The following NAV2 variants were observed in gnomAD, a reference collection of about 807,000 sequenced individuals.
NAV2 encodes the protein neuron navigator 2.
NAV2 carries 54 observed loss-of-function variants against 223.2 expected under a neutral mutation model. The observed-to-expected ratio is 0.24, with a 90% CI of 0.19 to 0.30. NAV2 has a LOEUF of 0.30. Among genes scored for constraint, NAV2 ranks in the 10% least tolerant of loss-of-function variants. The pLI is 1.00. For synonymous variants in NAV2, 1,279 were observed against 1,239.3 expected (o/e 1.03, Z -0.67); for missense variants, 2,806 against 3,147.5 (o/e 0.89, Z 2.60).
At chr11:19,487,351 A>G (rs1340614995) in intron 1 of NAV2, among the ~76,000 whole-genome samples, 1 of 152,212 alleles carries the variant, frequency 6.6e-6, no homozygotes, top group Non-Finnish European at 1.5e-5. Context: ...ATACTCTGTA[A>G]TAAGCAACAT....
chr11:19,598,978 A>T (rs1176616338), intron 1 of NAV2, among the ~76,000 whole-genome samples: 1 of 152,172 alleles, frequency 6.6e-6, no homozygotes. Context: ...GTCTGGGTCC[A>T]GTCAAATGCC....
intron 1 of NAV2, among the ~76,000 whole-genome samples, chr11:19,768,458 C>A (rs1463304724): frequency 6.6e-6 from 1 of 152,002 alleles, no homozygotes; most frequent in Non-Finnish European, 1.5e-5. Flanking sequence ...CCTGAGGAGC[C>A]TTTTCAAGGA....
chr11:19,887,275 T>C (rs112749029), intron 5 of NAV2, among the ~76,000 whole-genome samples: 4 of 152,060 alleles, frequency 2.6e-5, no homozygotes, highest in Non-Finnish European at 5.9e-5. Context: ...AGGGAATTGA[T>C]ATAAGGGTGA....
intron 1 of NAV2, among the ~76,000 whole-genome samples, chr11:19,748,364 C>T (rs2053543926): frequency 6.6e-6 from 1 of 152,122 alleles, no homozygotes; most frequent in Non-Finnish European, 1.5e-5. Flanking sequence ...AGACCTGGAC[C>T]CCACCTCCAA....
In NAV2 at chr11:20,119,680, G is replaced by A. The variant is rs2063377892; in HGVS notation, c.*1422G>A. The A allele has an allele frequency of 6.6e-6, 1 of 152,416 alleles. No homozygotes were observed. The highest frequency in any genetic ancestry group is 6.5e-5 in the Admixed American group (1 of 15,270). The allele number at this position is 152,416 out of a possible 1,614,324, so 9.4% of individuals were successfully genotyped here. A position where few individuals can be genotyped will look rare whatever the true frequency, so the allele number is the denominator to read the frequency against. On this transcript the variant is annotated 3_prime_UTR_variant, in exon 38 of 38. Transcript: ENST00000349880. ...TTTTACATAAGTGTCGTGCCTGCCT[G>A]GGGTTTGTTTTTTTTGTCATTGTTT...
rs561776381 is a variant in NAV2 at position 19,924,491 on chromosome 11, G to A, written c.932-8685G>A. Among the ~76,000 whole-genome samples the A allele has an allele frequency of 3.9e-5, 6 of 152,288 alleles. No individual in the cohort carries two copies. In the South Asian group the frequency reaches 1.2e-3, roughly 32 times the overall value. Reference sequence around the variant, plus strand: ...GGGCCTCTTCTGCTTCCTCTGGGGTGAAAAAGTCACTGAGAAAAACTGGGA... The same window carrying A: ...GGGCCTCTTCTGCTTCCTCTGGGGTAAAAAAGTCACTGAGAAAAACTGGGA... On this transcript the variant is annotated intron_variant, in intron 6 of 37. Coordinates refer to ENST00000349880, the MANE Select transcript of NAV2 (RefSeq NM_145117.5).
chr11:19,413,090 A>G (rs1187375401), intron 1 of NAV2, among the ~76,000 whole-genome samples: 1 of 152,212 alleles, frequency 6.6e-6, no homozygotes, highest in Non-Finnish European at 1.5e-5. Context: ...AAAAATTGAC[A>G]GAAGTAGGCC....
At chr11:19,672,332 ATG>A (rs1323281907) in intron 1 of NAV2, among the ~76,000 whole-genome samples, 4 of 152,294 alleles carry the variant, frequency 2.6e-5, no homozygotes, top group African/African-American at 9.6e-5. Context: ...CAGAGCCTGA[ATG>A]TGCATTCAAC....
At chr11:20,095,220 G>A (rs553143024) in intron 29 of NAV2, among the ~76,000 whole-genome samples, 12 of 152,194 alleles carry the variant, frequency 7.9e-5, no homozygotes, top group Admixed American at 3.3e-4. Flanking sequence ...ATATAAATTA[G>A]TACAGAATAT....
At chr11:20,105,439 C>T (rs1170213210) in intron 34 of NAV2, 92 bp from the exon 35 acceptor site, 14 of 1,036,714 alleles carry the variant, frequency 1.4e-5, no homozygotes, top group Non-Finnish European at 1.9e-5. Context: ...TTAGCATATA[C>T]ACCTTCTGTT....
intron 22 of NAV2, among the ~76,000 whole-genome samples, chr11:20,076,177 TGA>T (rs1218671674): frequency 3.3e-5 from 5 of 152,226 alleles, no homozygotes; most frequent in African/African-American, 1.2e-4. Flanking sequence ...TAGGATCAGG[TGA>T]TTTGCTCTGT....
At chr11:20,007,535 A>G (rs1392614713) in intron 11 of NAV2, among the ~76,000 whole-genome samples, 4 of 152,188 alleles carry the variant, frequency 2.6e-5, no homozygotes, top group Non-Finnish European at 5.9e-5. Context: ...GAGTGAAATG[A>G]CAGGTTAGAA....
chr11:19,540,281 C>T (rs1382846417), intron 1 of NAV2, among the ~76,000 whole-genome samples: 2 of 152,154 alleles, frequency 1.3e-5, no homozygotes, highest in Non-Finnish European at 2.9e-5. Context: ...CTCCTCCTTG[C>T]TCCTCACTCT....
At chr11:19,594,832 A>G (rs1013475912) in intron 1 of NAV2, among the ~76,000 whole-genome samples, 34 of 152,298 alleles carry the variant, frequency 2.2e-4, no homozygotes, top group African/African-American at 8.2e-4. Context: ...CACAGTTCCT[A>G]CTTTGTGGAC....
chr11:20,082,457 C>A, intron 25 of NAV2: 1 of 814,638 alleles, frequency 1.2e-6, no homozygotes, highest in Admixed American at 1.9e-5. Flanking sequence ...CTGGAAACCT[C>A]CCCTGTGTGT....
intron 10 of NAV2, among the ~76,000 whole-genome samples, chr11:19,956,663 T>C (rs1015200599): frequency 6.6e-6 from 1 of 152,128 alleles, no homozygotes; most frequent in Admixed American, 6.5e-5. Flanking sequence ...AGAGCTTCCA[T>C]GCCCTCTCCA....
chr11:20,029,120 G>A (rs544671247), intron 11 of NAV2, among the ~76,000 whole-genome samples: 2 of 152,340 alleles, frequency 1.3e-5, no homozygotes, highest in East Asian at 3.9e-4. Flanking sequence ...TCAGTGTGGA[G>A]ACCTCCAGTG....
chr11:19,961,371 A>T (rs1351452511), intron 10 of NAV2, among the ~76,000 whole-genome samples: 3 of 152,192 alleles, frequency 2.0e-5, no homozygotes, highest in Non-Finnish European at 4.4e-5. Flanking sequence ...GTTGGAGAAT[A>T]CCAAGTTCGA....
the NAV2 span, among the ~76,000 whole-genome samples, chr11:19,345,684 G>A: frequency 1.3e-5 from 2 of 152,246 alleles, no homozygotes; most frequent in Non-Finnish European, 2.9e-5. This position sits in a 1 kb window ranked among gnomAD's most constrained non-coding sequence, Gnocchi z 5.2. Context: ...GCGGGGCTGG[G>A]CGCCCGGCGC....
Sources: gnomAD v4.1 joint callset for allele counts (sites outside exome capture counted in the v4.1 genomes callset) on GRCh38, gnomAD v4.1.1 for gene constraint, Gnocchi (gnomAD v3.1) non-coding constraint, MANE v1.5 for transcripts, NCBI Gene and HGNC (gene_info 2026-07-23, HGNC 2026-07-21) for gene names.